Variants in ZFYVE16 observed in about 807,000 individuals in gnomAD.
ZFYVE16 encodes zinc finger FYVE-type containing 16.
ZFYVE16 carries 89 observed loss-of-function variants against 138.1 expected under a neutral mutation model. That is an observed-to-expected ratio of 0.64 (90% CI 0.54 to 0.77). The LOEUF is 0.77. ZFYVE16 is among the 30% of genes least tolerant of loss of function. The pLI is 0.00. For missense variants in ZFYVE16, 1,793 were observed against 1,786.7 expected, an observed-to-expected ratio of 1.00 and a Z score of -0.06; for synonymous variants, 596 against 618.3, an observed-to-expected ratio of 0.96 and a Z score of 0.53.
At chr5:80,461,634 G>A (rs997763290) in intron 15 of ZFYVE16, among the ~76,000 whole-genome samples, 1 of 152,144 alleles carries the variant, frequency 6.6e-6, no homozygotes, top group Non-Finnish European at 1.5e-5. Flanking sequence ...CCTTTTCTCT[G>A]TGTGACTCTC....
At position 80,437,360 on chromosome 5, in the gene ZFYVE16, A is replaced by C. The variant is rs766842393; in HGVS notation, c.675A>C (p.Glu225Asp). 6.2e-7 allele frequency: 1 copy of C among 1,603,646 alleles called. No homozygotes were observed. The highest frequency in any genetic ancestry group is 1.1e-5 in the South Asian group (1 of 89,818). ...LSDSYNYSGT[E>D]NLKDKKIFNQ... ...ATTCCTATAATTACAGTGGAACAGA[A>C]AATTTAAAAGATAAAAAGATCTTTA... The change falls in exon 4 of 19, where the codon GAA becomes GAC. Residue 225 changes from glutamate (E) to aspartate (D), a missense_variant. Physicochemically the swap from Glu to Asp is conservative, Grantham distance 45. Around this residue, in one of 2 missense-constraint regions of ZFYVE16, gnomAD observed 1,295 missense variants for 1,204.3 expected, o/e 1.08. Coordinates refer to ENST00000505560, the MANE Select transcript of ZFYVE16 (RefSeq NM_001284236.3).
At chr5:80,433,546 C>T (rs1430606461) in intron 2 of ZFYVE16, among the ~76,000 whole-genome samples, 1 of 151,898 alleles carries the variant, frequency 6.6e-6, no homozygotes. Context: ...CGTTAACAAA[C>T]CTGCACGTTA....
intron 9 of ZFYVE16, 82 bp from the exon 10 acceptor site, chr5:80,450,349 A>C (rs979881259): frequency 5.8e-6 from 8 of 1,384,294 alleles, no homozygotes; most frequent in Non-Finnish European, 8.0e-6. Context: ...TTGAAAAGTT[A>C]TGTTAAATGC....
At position 80,470,101 on chromosome 5, in the gene ZFYVE16, A is replaced by ATTTT. The variant is rs1185797719; in HGVS notation, c.4025-2645_4025-2642dup. On this transcript the variant is annotated intron_variant, in intron 15 of 18. Transcript: ENST00000505560. ...TGTGTGTGTGTGTGTGTGTGTGTGT[A>ATTTT]TTTTTTTTTTTTTTTTTTGAGACAG... Among the ~76,000 whole-genome samples the ATTTT allele has an allele frequency of 5.3e-3, 574 of 108,500 alleles. 37 individuals are homozygous for ATTTT. The highest frequency in any genetic ancestry group is 7.7e-3 in the Non-Finnish European group (448 of 58,310). 71.2% of individuals were successfully genotyped at this position (108,500 alleles called of 152,430 possible).
At position 80,456,962 on chromosome 5, in the gene ZFYVE16, TTCTTCCAA is replaced by T; in HGVS notation, c.3815_3822del (p.Ser1272Ter). 6.3e-7 allele frequency: 1 copy of T among 1,597,390 alleles called. No individual in the cohort carries two copies. Among genetic ancestry groups the T allele is most frequent in the Non-Finnish European group, 8.5e-7 (1 of 1,175,766 alleles). On this transcript the variant is annotated frameshift_variant, in exon 14 of 19. Coordinates refer to ENST00000505560, the MANE Select transcript of ZFYVE16 (RefSeq NM_001284236.3). LOFTEE classifies it high-confidence loss of function. The stretch of plus-strand genomic sequence containing the variant: ...TTTTCCAGGTAATGAAAGTACTAAA[TTCTTCCAA>T]TGAGCATGTCATTAGCATTGGAGCA...
Position 80,429,568 on chromosome 5 carries a change from G to A in ZFYVE16, c.-40+2023G>A, listed in dbSNP as rs6881921. ...CTAACGAGCAAAATCACCAGCTAAC[G>A]TCATAATGACAGGATCAAATTCACA... On this transcript the variant is annotated intron_variant, in intron 2 of 18. Transcript: ENST00000505560. Among the ~76,000 whole-genome samples, 966 of 152,214 alleles carry A rather than the reference G, an allele frequency of 6.3e-3. 10 individuals are homozygous for A. Among genetic ancestry groups the A allele is most frequent in the African/African-American group, 0.021 (878 of 41,540 alleles).
rs536824992 is a variant in ZFYVE16, at chr5:80,442,996, T to G, written c.2420-127T>G. The stretch of plus-strand genomic sequence containing the variant: ...CAGTATCTTTGCCAAGTGCTACTTC[T>G]TTTTCTTGATTAGCCATTTCTTTCT... On this transcript the variant is annotated intron_variant, in intron 5 of 18. Coordinates refer to ENST00000505560, the MANE Select transcript of ZFYVE16 (RefSeq NM_001284236.3). 8.4e-6 allele frequency: 8 copies of G among 957,552 alleles called. No individual in the cohort carries two copies. The South Asian group carries it at 1.6e-4, about 20-fold the overall frequency. The allele number at this position is 957,552 out of a possible 1,614,324, so 59.3% of individuals were successfully genotyped here. A position where few individuals can be genotyped will look rare whatever the true frequency, so the allele number is the denominator to read the frequency against.
chr5:80,435,038 T>C (rs1165433209), intron 3 of ZFYVE16, among the ~76,000 whole-genome samples: 1 of 151,524 alleles, frequency 6.6e-6, no homozygotes, highest in Non-Finnish European at 1.5e-5. Flanking sequence ...ATTTTTTGTT[T>C]GTTTGTTTGT....
Position 80,448,053 on chromosome 5 carries a change from TCTA to T in ZFYVE16, c.2757_2759del (p.Thr920del). 6.2e-7 allele frequency: 1 copy of T among 1,611,134 alleles called. No individual in the cohort carries two copies. Among genetic ancestry groups the T allele is most frequent in the Non-Finnish European group, 8.5e-7 (1 of 1,178,600 alleles). ...AGTAAACACAGTGGATCATTCCCATTCTACTACAGTGGAAAAGCCAAACAATGA... is the reference window on the plus strand; with the variant it reads ...AGTAAACACAGTGGATCATTCCCATTCTACAGTGGAAAAGCCAAACAATGA... On this transcript the variant is annotated inframe_deletion, in exon 8 of 19. Coordinates refer to ENST00000505560, the MANE Select transcript of ZFYVE16 (RefSeq NM_001284236.3).
chr5:80,415,967 A>G (rs1051556065), intron 1 of ZFYVE16, among the ~76,000 whole-genome samples: 13 of 152,046 alleles, frequency 8.6e-5, no homozygotes, highest in Non-Finnish European at 1.6e-4. Flanking sequence ...CGCCCGGCCA[A>G]CTTGCCACTT....
At chr5:80,451,031 A>G (rs1419350183) in intron 10 of ZFYVE16, among the ~76,000 whole-genome samples, 1 of 152,036 alleles carries the variant, frequency 6.6e-6, no homozygotes, top group Non-Finnish European at 1.5e-5. Context: ...AGGCTGGTCT[A>G]GAACTTCTGA....
intron 6 of ZFYVE16, 75 bp from the exon 7 acceptor site, chr5:80,445,188 T>A: frequency 6.5e-7 from 1 of 1,538,376 alleles, no homozygotes; most frequent in Admixed American, 1.9e-5. Context: ...TTTGAAAACA[T>A]TTCACAATCT....
At chr5:80,445,205 C>T in intron 6 of ZFYVE16, 58 bp from the exon 7 acceptor site, 1 of 1,571,108 alleles carries the variant, frequency 6.4e-7, no homozygotes, top group East Asian at 2.3e-5. Flanking sequence ...ATCTTTTTGG[C>T]ATTAAATCAT....
chr5:80,457,768 C>T (rs1218043220), intron 14 of ZFYVE16, among the ~76,000 whole-genome samples: 2 of 152,036 alleles, frequency 1.3e-5, no homozygotes, highest in Non-Finnish European at 2.9e-5. Flanking sequence ...TGGCTCACGC[C>T]TGTAATCCCA....
intron 15 of ZFYVE16, among the ~76,000 whole-genome samples, chr5:80,463,832 T>C (rs1202158068): frequency 2.0e-5 from 3 of 152,150 alleles, no homozygotes; most frequent in African/African-American, 7.2e-5. Flanking sequence ...CCCTAAATTA[T>C]CTCTCTCAAC....
intron 15 of ZFYVE16, among the ~76,000 whole-genome samples, chr5:80,464,567 A>G (rs1028783441): frequency 2.0e-5 from 3 of 152,156 alleles, no homozygotes; most frequent in African/African-American, 7.2e-5. Context: ...AATTTCATTT[A>G]TGTTATCTAA....
rs142627707 is a variant in ZFYVE16 at position 80,438,045 on chromosome 5, A to G, written c.1360A>G (p.Arg454Gly). Residue 454 changes from arginine (R) to glycine (G), a missense_variant, in exon 4 of 19, where the codon AGA becomes GGA. Coordinates refer to ENST00000505560, the MANE Select transcript of ZFYVE16 (RefSeq NM_001284236.3). ...LQSLIEGMED[R>G]KIDPDQTVIR... ...GTCATTAATTGAAGGGATGGAAGACAGAAAGATAGATCCTGACCAGACAGT... is the reference window on the plus strand; with the variant it reads ...GTCATTAATTGAAGGGATGGAAGACGGAAAGATAGATCCTGACCAGACAGT... The G allele has an allele frequency of 1.4e-5, 23 of 1,614,128 alleles. No homozygotes were observed. In the African/African-American group the frequency reaches 2.3e-4, roughly 16 times the overall value.
In ZFYVE16 at chr5:80,437,591, G is replaced by A; in HGVS notation, c.906G>A (p.Leu302=). ...AAGAAGAGGGCAAGACAAGTGCTTT[G>A]ACCTGCAGCCTTCCGAAAAATGAAG... ...CLKEEGKTSA[L]TCSLPKNEDL... The change falls in exon 4 of 19, where the codon TTG becomes TTA. Residue 302 remains leucine, a synonymous_variant. Transcript: ENST00000505560. 2 of 1,613,622 alleles carry A rather than the reference G, an allele frequency of 1.2e-6. No homozygotes were observed. The highest frequency in any genetic ancestry group is 2.2e-5 in the South Asian group (2 of 90,992).
chr5:80,452,398 C>CA (rs1189563585), intron 11 of ZFYVE16: 2 of 120,126 alleles, frequency 1.7e-5, no homozygotes, highest in African/African-American at 6.5e-5. Context: ...CATGCCTCTG[C>CA]ATTCCAGCCA....
Sources: allele counts gnomAD v4.1 joint callset (sites outside exome capture counted in the v4.1 genomes callset), GRCh38; gene constraint gnomAD v4.1.1; regional missense constraint gnomAD v4.1.1; transcripts MANE v1.5; gene names NCBI Gene and HGNC (gene_info 2026-07-23, HGNC 2026-07-21).